Variants in PPP6R2 observed in about 807,000 individuals in gnomAD.
PPP6R2 encodes the protein serine/threonine-protein phosphatase 6 regulatory subunit 2.
In PPP6R2, 62 loss-of-function variants were observed where a neutral mutation model predicts 100.2. The ratio of observed to expected loss-of-function variants is 0.62; its 90% CI spans 0.50 to 0.76. The LOEUF (loss-of-function observed/expected upper bound fraction) is 0.76. Ranked by LOEUF, PPP6R2 falls within the 30% of genes least tolerant of loss-of-function variation. PPP6R2 has a pLI of 0.00. For synonymous variants in PPP6R2, 525 were observed against 514.7 expected, an observed-to-expected ratio of 1.02 and a Z score of -0.27; for missense variants, 1,142 against 1,276.3, an observed-to-expected ratio of 0.89 and a Z score of 1.60.
chr22:50,347,502 C>T (rs931309791), intron 1 of PPP6R2, among the ~76,000 whole-genome samples: 4 of 152,084 alleles, frequency 2.6e-5, no homozygotes, highest in Non-Finnish European at 4.4e-5. Context: ...CTTCCTTCAG[C>T]CTGTCACCTT....
At chr22:50,428,877 T>C (rs2148022976) in intron 10 of PPP6R2, among the ~76,000 whole-genome samples, 1 of 152,218 alleles carries the variant, frequency 6.6e-6, no homozygotes, top group East Asian at 1.9e-4. Context: ...GTGGTGAGAG[T>C]GGGCATCCTT....
rs921003868 is a variant in PPP6R2 at position 50,370,533 on chromosome 22, C to T, written c.-147-1487C>T. Among the ~76,000 whole-genome samples, 6 of 151,902 alleles carry T rather than the reference C, an allele frequency of 3.9e-5. 1 individual carries two copies. In the South Asian group the frequency reaches 8.3e-4, roughly 21 times the overall value. ...CGAATGCCTGACCTCGTGATCCACC[C>T]GCCTTGGCCTCCCAAAGTGCTGGGA... On this transcript the variant is annotated intron_variant, in intron 1 of 23. Transcript: ENST00000612753.
chr22:50,397,610 TGGGG>T (rs1321130896), intron 3 of PPP6R2, among the ~76,000 whole-genome samples: 3 of 108,560 alleles, frequency 2.8e-5, no homozygotes, highest in African/African-American at 4.8e-5. Context: ...TGACTTGGGA[TGGGG>T]GCAGGGGGGC....
intron 2 of PPP6R2, among the ~76,000 whole-genome samples, chr22:50,381,823 G>T (rs1299318421): frequency 5.8e-4 from 88 of 151,830 alleles, no homozygotes; most frequent in Non-Finnish European, 4.4e-5. Flanking sequence ...CAGGAGAATG[G>T]CGTGAACCCG....
upstream of PPP6R2, among the ~76,000 whole-genome samples, chr22:50,341,292 A>G (rs2042365856): frequency 6.6e-6 from 1 of 151,932 alleles, no homozygotes; most frequent in South Asian, 2.1e-4. Flanking sequence ...TGAAGCCTCA[A>G]CTACCTGGGC....
rs762638679 is a variant in PPP6R2 at position 50,432,249 on chromosome 22, C to T, written c.1336-16C>T. ...TCAGACCCTGACTCACGCTGTCCCC[C>T]TGCCCCGCCCCCCAGCTGTTCCAGA... On this transcript the variant is annotated splice_polypyrimidine_tract_variant and intron_variant, in intron 11 of 23. Coordinates refer to ENST00000612753, the MANE Select transcript of PPP6R2 (RefSeq NM_001242898.2). 2 of 1,549,208 alleles carry T rather than the reference C, an allele frequency of 1.3e-6. No homozygotes were observed. The highest frequency in any genetic ancestry group is 2.7e-5 in the African/African-American group (2 of 72,994).
chr22:50,370,433 GCC>G lies in PPP6R2; in HGVS notation c.-147-1586_-147-1585del, dbSNP rs1569312579. Reference sequence around the variant, plus strand: ...CTCCCGAGGAGATGGGATTACAGGCGCCTGCCACCACGCCCAGCTAATTTTTT... The same window carrying G: ...CTCCCGAGGAGATGGGATTACAGGCGTGCCACCACGCCCAGCTAATTTTTT... On this transcript the variant is annotated intron_variant, in intron 1 of 23. Coordinates refer to ENST00000612753, the MANE Select transcript of PPP6R2 (RefSeq NM_001242898.2). Among the ~76,000 whole-genome samples, 7 of 151,466 alleles carry G rather than the reference GCC, an allele frequency of 4.6e-5. No homozygotes were observed. The South Asian group carries it at 1.3e-3, about 27-fold the overall frequency.
At chr22:50,388,176 A>T (rs1474497733) in intron 2 of PPP6R2, among the ~76,000 whole-genome samples, 1 of 144,106 alleles carries the variant, frequency 6.9e-6, no homozygotes, top group Non-Finnish European at 1.5e-5. Context: ...TTTTTTTAGG[A>T]TTAAAAAAAA....
At chr22:50,393,026 T>C (rs2055966557) in intron 2 of PPP6R2, among the ~76,000 whole-genome samples, 3 of 152,252 alleles carry the variant, frequency 2.0e-5, no homozygotes, top group Admixed American at 6.5e-5. Context: ...AGATGTAGGC[T>C]TTATGTTTTC....
intron 3 of PPP6R2, among the ~76,000 whole-genome samples, chr22:50,404,484 G>A (rs781454082): frequency 2.7e-4 from 41 of 151,490 alleles, no homozygotes; most frequent in Non-Finnish European, 5.3e-4. Context: ...TCTGCCTCCC[G>A]GGCTCAAGCC....
In PPP6R2 at chr22:50,438,594, C is replaced by T; in HGVS notation, c.1965-5C>T. 4 of 1,613,568 alleles carry T rather than the reference C, an allele frequency of 2.5e-6. No individual in the cohort carries two copies. Among genetic ancestry groups the T allele is most frequent in the South Asian group, 1.1e-5 (1 of 91,030 alleles). ...ACCAGACATCTGACTCTGAATCTCC[C>T]CCAGGTTTGGAGCCCCCCATGCTTC... On this transcript the variant is annotated splice_region_variant and splice_polypyrimidine_tract_variant and intron_variant, in intron 18 of 23. Coordinates refer to ENST00000612753, the MANE Select transcript of PPP6R2 (RefSeq NM_001242898.2).
the PPP6R2 span, among the ~76,000 whole-genome samples, chr22:50,337,548 GGT>G: frequency 9.6e-3 from 1,394 of 145,444 alleles, 18 homozygotes; most frequent in African/African-American, 0.034. Context: ...TGCGATGTGT[GGT>G]GTGTGTGGGG....
chr22:50,438,689 A>G lies in PPP6R2; in HGVS notation c.2055A>G (p.Arg685=), dbSNP rs756828420. ...GGAAGGCGAGCTTGGAAGCACACAG[A>G]GATGCACCTGGGGCAGGTGCCCCAC... The part of the protein sequence containing the change: ...QDGKASLEAH[R]DAPGAGAPPA... Residue 685 remains arginine, a synonymous_variant, in exon 19 of 24, where the codon AGA becomes AGG. Transcript: ENST00000612753. 2 of 1,613,940 alleles carry G rather than the reference A, an allele frequency of 1.2e-6. No homozygotes were observed. Among genetic ancestry groups the G allele is most frequent in the Non-Finnish European group, 1.7e-6 (2 of 1,179,980 alleles).
chr22:50,385,770 C>T (rs2054104701), intron 2 of PPP6R2, among the ~76,000 whole-genome samples: 1 of 150,436 alleles, frequency 6.6e-6, no homozygotes. Flanking sequence ...CCTGCCTCGG[C>T]CTCCCAAAGT....
intron 3 of PPP6R2, among the ~76,000 whole-genome samples, chr22:50,395,782 G>T (rs973836224): frequency 6.6e-6 from 1 of 151,730 alleles, no homozygotes; most frequent in African/African-American, 2.4e-5. Flanking sequence ...GCACAGGCTG[G>T]TTTCAGACTC....
chr22:50,364,186 C>T (rs1359074913), intron 1 of PPP6R2, among the ~76,000 whole-genome samples: 1 of 152,074 alleles, frequency 6.6e-6, no homozygotes, highest in African/African-American at 2.4e-5. Flanking sequence ...CTTGAGTCAC[C>T]GTGCCTGGCC....
rs2148291488 is a variant in PPP6R2 at position 50,437,006 on chromosome 22, C to G, written c.1621C>G (p.His541Asp). ...TVDLVSTHHL[H>D]SSSEDEDIEG... The stretch of plus-strand genomic sequence containing the variant: ...GTTTTAGGTGAGCACTCACCACCTT[C>G]ACTCCTCAAGTGAGGACGAGGACAT... Residue 541 changes from histidine to aspartate, a missense_variant, in exon 15 of 24, where the codon CAC becomes GAC. This residue lies in a region of PPP6R2 where 592 missense variants were observed against 758.9 expected (regional missense o/e 0.78). Coordinates refer to ENST00000612753, the MANE Select transcript of PPP6R2 (RefSeq NM_001242898.2). 1 of 1,559,388 alleles carries G rather than the reference C, an allele frequency of 6.4e-7. No individual in the cohort carries two copies. Among genetic ancestry groups the G allele is most frequent in the Non-Finnish European group, 8.7e-7 (1 of 1,151,688 alleles).
chr22:50,358,149 T>A (rs909759106), intron 1 of PPP6R2, among the ~76,000 whole-genome samples: 6 of 151,332 alleles, frequency 4.0e-5, no homozygotes, highest in African/African-American at 1.2e-4. Context: ...GAGATGGGGG[T>A]CTCTCTGCGT....
upstream of PPP6R2, among the ~76,000 whole-genome samples, chr22:50,341,928 G>C (rs1464436094): frequency 6.6e-6 from 1 of 151,880 alleles, no homozygotes; most frequent in East Asian, 1.9e-4. Flanking sequence ...AGGAGGCGGA[G>C]CTTGCAGTGA....
Sources: gnomAD v4.1 joint callset for allele counts (sites outside exome capture counted in the v4.1 genomes callset) on GRCh38, gnomAD v4.1.1 for gene constraint, gnomAD v4.1.1 regional missense constraint, MANE v1.5 for transcripts, NCBI Gene and HGNC (gene_info 2026-07-23, HGNC 2026-07-21) for gene names.